AFG1L: variants seen among roughly 807,000 people sequenced by gnomAD.
AFG1L encodes the protein AFG1-like ATPase.
A neutral mutation model predicts 62.2 loss-of-function variants in AFG1L; 53 were observed. The ratio of observed to expected loss-of-function variants is 0.85; its 90% CI spans 0.68 to 1.07. The LOEUF (loss-of-function observed/expected upper bound fraction) is 1.07. AFG1L is among the 50% of genes least tolerant of loss of function. AFG1L has a pLI of 0.00. For missense variants in AFG1L, 555 were observed against 590.5 expected, an observed-to-expected ratio of 0.94 and a Z score of 0.62; for synonymous variants, 228 against 210.3, an observed-to-expected ratio of 1.08 and a Z score of -0.73.
At chr6:108,318,195 A>G in intron 1 of AFG1L, 1 of 270,264 alleles carries the variant, frequency 3.7e-6, no homozygotes, top group Non-Finnish European at 7.2e-6. Flanking sequence ...GTGCCCAAGG[A>G]AAGTGGCGTT....
At chr6:108,345,165 T>G (rs1472503040) in intron 2 of AFG1L, among the ~76,000 whole-genome samples, 1 of 152,212 alleles carries the variant, frequency 6.6e-6, no homozygotes, top group Non-Finnish European at 1.5e-5. Context: ...AATTTCTTTT[T>G]TGTAAAAATG....
Position 108,524,344 on chromosome 6 carries a change from T to G in AFG1L, c.*1919T>G, listed in dbSNP as rs1230463308. On this transcript the variant is annotated 3_prime_UTR_variant, in exon 13 of 13. Transcript: ENST00000368977. ...TGGACAGACAGATAGATGGACAGTA[T>G]GACCGATAGACAGACCTGTCCCTGA... The G allele has an allele frequency of 1.3e-5, 2 of 152,228 alleles. No individual in the cohort carries two copies. The highest frequency in any genetic ancestry group is 4.8e-5 in the African/African-American group (2 of 41,464). 9.4% of individuals were successfully genotyped at this position (152,228 alleles called of 1,614,324 possible).
chr6:108,343,823 G>A (rs1351687546), intron 2 of AFG1L, among the ~76,000 whole-genome samples: 2 of 152,196 alleles, frequency 1.3e-5, no homozygotes, highest in African/African-American at 4.8e-5. Context: ...ATACCAGGAA[G>A]CCATCCAGAT....
At chr6:108,303,202 A>G (rs1385958861) in intron 1 of AFG1L, among the ~76,000 whole-genome samples, 1 of 152,134 alleles carries the variant, frequency 6.6e-6, no homozygotes, top group Non-Finnish European at 1.5e-5. Context: ...ATGAGCCACC[A>G]TGCCTGGCCT....
intron 10 of AFG1L, among the ~76,000 whole-genome samples, chr6:108,498,658 A>G (rs1392639433): frequency 6.6e-6 from 1 of 152,218 alleles, no homozygotes; most frequent in East Asian, 1.9e-4. Flanking sequence ...TCATGAGAAG[A>G]AAAATAAACT....
intron 8 of AFG1L, among the ~76,000 whole-genome samples, chr6:108,454,099 G>T (rs895207926): frequency 1.3e-5 from 2 of 152,076 alleles, no homozygotes; most frequent in Non-Finnish European, 2.9e-5. Context: ...AATTTTTATG[G>T]TCTTATGCCA....
At chr6:108,317,212 G>C (rs533222349) in intron 1 of AFG1L, among the ~76,000 whole-genome samples, 2 of 152,300 alleles carry the variant, frequency 1.3e-5, no homozygotes, top group South Asian at 4.2e-4. Context: ...TGAGACTGTG[G>C]CATTGCAGTA....
In AFG1L at chr6:108,522,314, C is replaced by T. The variant is rs1268517310; in HGVS notation, c.1335C>T (p.Leu445=). 6.2e-7 allele frequency: 1 copy of T among 1,613,662 alleles called. No homozygotes were observed. The highest frequency in any genetic ancestry group is 8.5e-7 in the Non-Finnish European group (1 of 1,179,836). ...LGLSQDSAEG[L]SMFTGEEEIF... is the part of the protein sequence containing the mutation. Reference sequence around the variant, plus strand: ...ATAACCAGGATTCAGCAGAAGGACTCTCCATGTTTACCGGAGAAGAGGAAA... The same window carrying T: ...ATAACCAGGATTCAGCAGAAGGACTTTCCATGTTTACCGGAGAAGAGGAAA... The change falls in exon 13 of 13, where the codon CTC becomes CTT. Residue 445 remains leucine, a synonymous_variant. Transcript: ENST00000368977.
chr6:108,433,948 C>A (rs1410507961), intron 7 of AFG1L, among the ~76,000 whole-genome samples: 1 of 152,154 alleles, frequency 6.6e-6, no homozygotes, highest in Admixed American at 6.5e-5. Flanking sequence ...GAGACTATTT[C>A]TTTTAAAGGG....
chr6:108,415,468 C>T (rs1013760828), intron 7 of AFG1L, among the ~76,000 whole-genome samples: 1 of 152,016 alleles, frequency 6.6e-6, no homozygotes, highest in Non-Finnish European at 1.5e-5. Flanking sequence ...TGCCAAGACA[C>T]CCTAAGCCAA....
At chr6:108,496,822 G>C (rs1479268180) in intron 10 of AFG1L, among the ~76,000 whole-genome samples, 2 of 151,968 alleles carry the variant, frequency 1.3e-5, no homozygotes, top group East Asian at 1.9e-4. Flanking sequence ...ATTTACTTAT[G>C]CTTTTTTCTG....
chr6:108,361,104 G>A (rs141765871), intron 5 of AFG1L, among the ~76,000 whole-genome samples: 1 of 152,342 alleles, frequency 6.6e-6, no homozygotes, highest in East Asian at 1.9e-4. Flanking sequence ...ATGGCCTAAT[G>A]CCTGGTTGTC....
chr6:108,483,625 A>T (rs562467042), intron 10 of AFG1L, among the ~76,000 whole-genome samples: 42 of 152,380 alleles, frequency 2.8e-4, no homozygotes, highest in African/African-American at 9.1e-4. Context: ...TGCGCTCAAA[A>T]GTAACTGTTT....
intron 7 of AFG1L, among the ~76,000 whole-genome samples, chr6:108,427,517 A>ATTTTTTTTTT (rs34500468): frequency 2.0e-5 from 2 of 100,244 alleles, no homozygotes; most frequent in African/African-American, 4.2e-5. Context: ...TCAAAATGGA[A>ATTTTTTTTTT]TTTTTTTTTT....
At chr6:108,307,675 A>G (rs1777258185) in intron 1 of AFG1L, among the ~76,000 whole-genome samples, 1 of 152,206 alleles carries the variant, frequency 6.6e-6, no homozygotes, top group Non-Finnish European at 1.5e-5. Flanking sequence ...GCATATATGT[A>G]TGCTTTCTGT....
chr6:108,392,809 C>T (rs1764027), intron 6 of AFG1L, among the ~76,000 whole-genome samples: 10,420 of 152,030 alleles, frequency 0.069, 1,133 homozygotes, highest in African/African-American at 0.23. Context: ...TATAGGAAAC[C>T]TCCTTTAACA....
chr6:108,425,923 A>G (rs1371789827), intron 7 of AFG1L, among the ~76,000 whole-genome samples: 3 of 152,206 alleles, frequency 2.0e-5, no homozygotes, highest in South Asian at 2.1e-4. Context: ...ACAATTGACT[A>G]TTGTTAAGAG....
Position 108,522,500 on chromosome 6 carries a change from G to A in AFG1L, c.*75G>A. Reference sequence around the variant, plus strand: ...GAACTCCTTATTGTGGGACTTGAAGGAATCATTTTCTCATCATTAATTATG... The same window carrying A: ...GAACTCCTTATTGTGGGACTTGAAGAAATCATTTTCTCATCATTAATTATG... On this transcript the variant is annotated 3_prime_UTR_variant, in exon 13 of 13. Transcript: ENST00000368977. 6.7e-7 allele frequency: 1 copy of A among 1,483,076 alleles called. No individual in the cohort carries two copies. The allele number at this position is 1,483,076 out of a possible 1,614,324, so 91.9% of individuals were successfully genotyped here.
At chr6:108,356,029 TA>T (rs1193633362) in intron 4 of AFG1L, among the ~76,000 whole-genome samples, 2 of 152,200 alleles carry the variant, frequency 1.3e-5, no homozygotes, top group East Asian at 3.8e-4. Context: ...AAAAAAATGT[TA>T]AAAATGCACC....
Sources: allele counts gnomAD v4.1 joint callset (sites outside exome capture counted in the v4.1 genomes callset), GRCh38; gene constraint gnomAD v4.1.1; transcripts MANE v1.5; gene names NCBI Gene and HGNC (gene_info 2026-07-23, HGNC 2026-07-21).